MGAT4C: variants seen among roughly 807,000 people sequenced by gnomAD.
The protein encoded by MGAT4C is alpha-1,3-mannosyl-glycoprotein 4-beta-N-acetylglucosaminyltransferase C.
In MGAT4C, 19 loss-of-function variants were observed where a neutral mutation model predicts 40.1. The ratio of observed to expected loss-of-function variants is 0.47; its 90% CI spans 0.33 to 0.70. The LOEUF (loss-of-function observed/expected upper bound fraction) is 0.70, where lower values mean the gene tolerates loss of function less well. MGAT4C is among the 30% of genes least tolerant of loss of function. MGAT4C has a pLI of 0.02. For synonymous variants in MGAT4C, 181 were observed against 187.1 expected (o/e 0.97, Z 0.27); for missense variants, 491 against 563.2 (o/e 0.87, Z 1.30).
At chr12:86,769,928 G>T (rs1475230035) in intron 1 of MGAT4C, among the ~76,000 whole-genome samples, 1 of 151,802 alleles carries the variant, frequency 6.6e-6, no homozygotes, top group Non-Finnish European at 1.5e-5. Context: ...CAAGTTAATG[G>T]GTGCAGCACA....
At chr12:86,426,399 C>T (rs1033420072) in intron 3 of MGAT4C, among the ~76,000 whole-genome samples, 6 of 152,068 alleles carry the variant, frequency 3.9e-5, no homozygotes, top group African/African-American at 1.2e-4. Flanking sequence ...TTATAAGTCA[C>T]AAGACACTAT....
chr12:86,797,532 A>T (rs1431156443), intron 1 of MGAT4C, among the ~76,000 whole-genome samples: 1 of 151,878 alleles, frequency 6.6e-6, no homozygotes, highest in Non-Finnish European at 1.5e-5. Context: ...AGGATTTGCC[A>T]TGTTTTTACT....
intron 3 of MGAT4C, among the ~76,000 whole-genome samples, chr12:86,387,618 A>C (rs1956078468): frequency 6.6e-6 from 1 of 152,120 alleles, no homozygotes; most frequent in Non-Finnish European, 1.5e-5. Flanking sequence ...TTATTTATAA[A>C]TGTTGTCAAT....
chr12:86,730,770 A>G (rs1392516539), intron 1 of MGAT4C, among the ~76,000 whole-genome samples: 2 of 152,134 alleles, frequency 1.3e-5, no homozygotes, highest in Non-Finnish European at 2.9e-5. Flanking sequence ...CTAAGTAAAT[A>G]TAAGACAATT....
At chr12:86,014,594 A>G (rs1014111838) in intron 2 of MGAT4C, among the ~76,000 whole-genome samples, 4 of 152,132 alleles carry the variant, frequency 2.6e-5, no homozygotes, top group Non-Finnish European at 5.9e-5. Context: ...CTTTCAGGCC[A>G]GGCTTTCCCC....
At chr12:86,621,938 G>A (rs1962651565) in intron 2 of MGAT4C, among the ~76,000 whole-genome samples, 1 of 152,140 alleles carries the variant, frequency 6.6e-6, no homozygotes, top group African/African-American at 2.4e-5. Flanking sequence ...GCAGGATGCA[G>A]CTCACAGTCA....
chr12:86,779,960 C>T (rs1951810195), intron 1 of MGAT4C, among the ~76,000 whole-genome samples: 1 of 151,342 alleles, frequency 6.6e-6, no homozygotes, highest in South Asian at 2.1e-4. Flanking sequence ...AAAAGATACA[C>T]TTGTAATAAA....
chr12:85,978,980 A>C lies in MGAT4C; in HGVS notation c.*309T>G. ...ATTTTTCAAAAATCATCATCCAACA[A>C]ATTTTTTTCATTTAAAATCTTTCAT... On this transcript the variant is annotated 3_prime_UTR_variant, in exon 5 of 5. Coordinates refer to ENST00000611864, the MANE Select transcript of MGAT4C (RefSeq NM_001351288.2). 5.3e-6 allele frequency: 1 copy of C among 187,416 alleles called. No individual in the cohort carries two copies. The highest frequency in any genetic ancestry group is 1.1e-5 in the Non-Finnish European group (1 of 90,832). The allele number at this position is 187,416 out of a possible 1,614,324, so 11.6% of individuals were successfully genotyped here. A position where few individuals can be genotyped will look rare whatever the true frequency, so the allele number is the denominator to read the frequency against.
At chr12:86,190,725 G>A (rs955873481) in intron 1 of MGAT4C, among the ~76,000 whole-genome samples, 10 of 151,846 alleles carry the variant, frequency 6.6e-5, no homozygotes, top group African/African-American at 1.7e-4. Context: ...GACAAATAAC[G>A]TGTCTTTTTT....
rs10863153 is a variant in MGAT4C at position 86,047,214 on chromosome 12, T to A, written c.-7+2460A>T. On this transcript the variant is annotated intron_variant, in intron 2 of 4. Transcript: ENST00000611864. ...CATAGCAGTTGTTTATAAAGATAAA[T>A]CACTATAATTTTTTCTTCGTGACTG... Among the ~76,000 whole-genome samples, 1,284 of 152,184 alleles carry A rather than the reference T, an allele frequency of 8.4e-3. 65 individuals are homozygous for A. The East Asian group carries it at 0.13, about 15-fold the overall frequency.
At position 86,772,786 on chromosome 12, in the gene MGAT4C, G is replaced by A. The variant is rs141191356; in HGVS notation, c.-261-45545C>T. Among the ~76,000 whole-genome samples, 786 of 152,220 alleles carry A rather than the reference G, an allele frequency of 5.2e-3. 1 individual carries two copies. The highest frequency in any genetic ancestry group is 9.2e-3 in the Non-Finnish European group (626 of 68,018). On this transcript the variant is annotated intron_variant, in intron 1 of 7. Transcript: ENST00000548651. The stretch of plus-strand genomic sequence containing the variant: ...GTTTTCTTCCTTTTGAAATTGAAAC[G>A]TATATCCAATTCCTATCCCACCATT...
chr12:86,472,785 C>A (rs1269291819), intron 2 of MGAT4C, among the ~76,000 whole-genome samples: 1 of 151,726 alleles, frequency 6.6e-6, no homozygotes, highest in Admixed American at 6.6e-5. Flanking sequence ...AAGTGACCAA[C>A]AAGTATAAAT....
intron 2 of MGAT4C, among the ~76,000 whole-genome samples, chr12:86,671,669 A>C (rs1260613192): frequency 6.6e-6 from 1 of 152,178 alleles, no homozygotes; most frequent in Non-Finnish European, 1.5e-5. Context: ...ATCAGACAAA[A>C]CACCTTTCAT....
At chr12:86,798,304 CTTAG>C (rs1388452845) in intron 1 of MGAT4C, among the ~76,000 whole-genome samples, 7 of 151,830 alleles carry the variant, frequency 4.6e-5, no homozygotes. Flanking sequence ...TCATCATTTT[CTTAG>C]TTTGTTTTGT....
At chr12:86,300,420 A>T (rs915414862) in intron 4 of MGAT4C, among the ~76,000 whole-genome samples, 1 of 151,838 alleles carries the variant, frequency 6.6e-6, no homozygotes, top group Non-Finnish European at 1.5e-5. Context: ...TAAATTGTAC[A>T]TGGCCATTCA....
At chr12:86,564,504 G>A (rs1378540384) in intron 2 of MGAT4C, among the ~76,000 whole-genome samples, 1 of 152,142 alleles carries the variant, frequency 6.6e-6, no homozygotes, top group African/African-American at 2.4e-5. Context: ...TGCTGATTGG[G>A]TCCAGTAACA....
chr12:86,451,913 T>C (rs1290022863), intron 2 of MGAT4C, among the ~76,000 whole-genome samples: 5 of 152,154 alleles, frequency 3.3e-5, no homozygotes, highest in Non-Finnish European at 7.4e-5. Context: ...TTTCAGCATG[T>C]ATTAATCATA....
intron 3 of MGAT4C, among the ~76,000 whole-genome samples, chr12:86,403,947 T>C (rs1194635690): frequency 2.0e-5 from 3 of 152,230 alleles, no homozygotes; most frequent in African/African-American, 4.8e-5. Flanking sequence ...AAATTGTATA[T>C]ACTGGAAGAA....
At chr12:86,757,303 C>T (rs1025562119) in intron 1 of MGAT4C, among the ~76,000 whole-genome samples, 4 of 152,022 alleles carry the variant, frequency 2.6e-5, no homozygotes, top group South Asian at 2.1e-4. Flanking sequence ...CATCATGCCA[C>T]GTGTATACCT....
Sources: gnomAD v4.1 joint callset for allele counts (sites outside exome capture counted in the v4.1 genomes callset) on GRCh38, gnomAD v4.1.1 for gene constraint, MANE v1.5 for transcripts, NCBI Gene and HGNC (gene_info 2026-07-23, HGNC 2026-07-21) for gene names.